Variants in LRP1B observed in about 807,000 individuals in gnomAD.
LRP1B encodes the protein low-density lipoprotein receptor-related protein 1B.
Under a neutral mutation model 556.6 loss-of-function variants are expected in LRP1B, and 217 were observed. The ratio of observed to expected loss-of-function variants is 0.39; its 90% confidence interval spans 0.35 to 0.44. The LOEUF is 0.44. Among genes scored for constraint, LRP1B ranks in the 20% least tolerant of loss-of-function variants. LRP1B has a pLI of 1.00. For synonymous variants in LRP1B, 2,047 were observed against 1,865.8 expected (o/e 1.10, Z -2.50); for missense variants, 5,053 against 5,620.8 (o/e 0.90, Z 3.23).
intron 75 of LRP1B, among the ~76,000 whole-genome samples, chr2:140,355,422 C>T (rs1044825487): frequency 3.3e-5 from 5 of 151,854 alleles, no homozygotes; most frequent in South Asian, 2.1e-4. Context: ...TCAAATGTCA[C>T]GAATAATCCA....
chr2:141,400,298 C>CTCACA (rs1185289296), intron 3 of LRP1B, among the ~76,000 whole-genome samples: 1 of 152,148 alleles, frequency 6.6e-6, no homozygotes, highest in African/African-American at 2.4e-5. Context: ...TTTATAAATC[C>CTCACA]TCACATCAAT....
At chr2:140,651,084 CT>C (rs1559032160) in intron 41 of LRP1B, among the ~76,000 whole-genome samples, 2 of 152,012 alleles carry the variant, frequency 1.3e-5, no homozygotes, top group Non-Finnish European at 2.9e-5. Flanking sequence ...CCTTAATTCT[CT>C]TTTCTTCCGA....
At chr2:141,873,184 A>G (rs905569724) in intron 1 of LRP1B, among the ~76,000 whole-genome samples, 1 of 152,088 alleles carries the variant, frequency 6.6e-6, no homozygotes, top group African/African-American at 2.4e-5. Context: ...GGCTGGGCAC[A>G]GTGGCTTACA....
intron 3 of LRP1B, among the ~76,000 whole-genome samples, chr2:141,464,580 T>C (rs1051556992): frequency 2.1e-4 from 20 of 95,258 alleles, no homozygotes; most frequent in African/African-American, 7.2e-4. Flanking sequence ...GCCTGGCTAA[T>C]TTTGTATATA....
intron 1 of LRP1B, among the ~76,000 whole-genome samples, chr2:141,949,496 T>C (rs982397440): frequency 1.3e-5 from 2 of 152,130 alleles, no homozygotes; most frequent in African/African-American, 4.8e-5. Context: ...GTTCAAGCAA[T>C]TCTCTGCCTC....
At chr2:140,858,213 G>A (rs1573810379) in intron 27 of LRP1B, among the ~76,000 whole-genome samples, 1 of 152,134 alleles carries the variant, frequency 6.6e-6, no homozygotes, top group Non-Finnish European at 1.5e-5. Flanking sequence ...AACTAGCAAA[G>A]AATTATCTGG....
At chr2:140,864,997 C>A (rs539342540) in intron 27 of LRP1B, among the ~76,000 whole-genome samples, 1 of 151,956 alleles carries the variant, frequency 6.6e-6, no homozygotes, top group Non-Finnish European at 1.5e-5. Flanking sequence ...CCAGGCCATG[C>A]CATTAATTCT....
intron 2 of LRP1B, among the ~76,000 whole-genome samples, chr2:141,660,528 C>A (rs962658973): frequency 6.6e-6 from 1 of 152,108 alleles, no homozygotes; most frequent in Non-Finnish European, 1.5e-5. Flanking sequence ...AGGAAGAATT[C>A]CCCAGGGTGT....
chr2:141,834,453 T>TA (rs991126130), intron 1 of LRP1B, among the ~76,000 whole-genome samples: 2 of 151,844 alleles, frequency 1.3e-5, no homozygotes, highest in Admixed American at 6.6e-5. Context: ...GATAAAGCAG[T>TA]AAAAAAACTT....
At chr2:140,780,480 G>T (rs1376272753) in intron 32 of LRP1B, among the ~76,000 whole-genome samples, 1 of 152,150 alleles carries the variant, frequency 6.6e-6, no homozygotes, top group Non-Finnish European at 1.5e-5. Flanking sequence ...ATTGAGTGAG[G>T]CTAAGACTAT....
chr2:142,064,138 A>C (rs1705016297), intron 1 of LRP1B, among the ~76,000 whole-genome samples: 1 of 151,602 alleles, frequency 6.6e-6, no homozygotes, highest in African/African-American at 2.4e-5. Flanking sequence ...ATTCATTGGA[A>C]TTTTATTCTA....
chr2:140,423,184 T>C (rs759267568), intron 66 of LRP1B, among the ~76,000 whole-genome samples: 2 of 152,142 alleles, frequency 1.3e-5, no homozygotes, highest in Non-Finnish European at 2.9e-5. Flanking sequence ...TAGAATCCCA[T>C]GTAATTGCTG....
chr2:141,876,645 T>G (rs1444183643), intron 1 of LRP1B, among the ~76,000 whole-genome samples: 1 of 151,990 alleles, frequency 6.6e-6, no homozygotes, highest in Non-Finnish European at 1.5e-5. Context: ...TTTATAGTAG[T>G]AGTTGACACT....
chr2:140,296,065 T>C (rs1683590199), intron 84 of LRP1B, among the ~76,000 whole-genome samples: 2 of 152,116 alleles, frequency 1.3e-5, no homozygotes, highest in Admixed American at 1.3e-4. Flanking sequence ...TTTAAAGAGA[T>C]AGAAAAGACT....
At chr2:141,447,826 G>T (rs763093287) in intron 3 of LRP1B, among the ~76,000 whole-genome samples, 5 of 152,144 alleles carry the variant, frequency 3.3e-5, no homozygotes, top group Non-Finnish European at 5.9e-5. Flanking sequence ...GCCAGCCAGG[G>T]CTCTCCTGTA....
chr2:141,145,544 T>G (rs981244937), intron 7 of LRP1B, among the ~76,000 whole-genome samples: 16 of 151,880 alleles, frequency 1.1e-4, no homozygotes, highest in African/African-American at 3.9e-4. Context: ...ACTTTTTTTT[T>G]TTTTTAGAGA....
At chr2:141,846,849 G>C (rs760911661) in intron 1 of LRP1B, among the ~76,000 whole-genome samples, 1 of 151,302 alleles carries the variant, frequency 6.6e-6, no homozygotes, top group Non-Finnish European at 1.5e-5. Context: ...CTAGAAAAAT[G>C]TTTTTTAAAA....
intron 5 of LRP1B, among the ~76,000 whole-genome samples, chr2:141,243,938 C>T (rs1179591668): frequency 1.3e-5 from 2 of 152,092 alleles, no homozygotes; most frequent in African/African-American, 4.8e-5. Flanking sequence ...GCTCTTAAGG[C>T]TTATGAATTT....
intron 1 of LRP1B, among the ~76,000 whole-genome samples, chr2:141,899,669 C>G (rs1699558408): frequency 6.6e-6 from 1 of 152,034 alleles, no homozygotes; most frequent in South Asian, 2.1e-4. Flanking sequence ...TTTTCTTTAC[C>G]CTTTCTTGTT....
Sources: gnomAD v4.1 joint callset for allele counts (sites outside exome capture counted in the v4.1 genomes callset) on GRCh38, gnomAD v4.1.1 for gene constraint, MANE v1.5 for transcripts, NCBI Gene and HGNC (gene_info 2026-07-23, HGNC 2026-07-21) for gene names.